ANKRD36C: variants seen among roughly 807,000 people sequenced by gnomAD.
ANKRD36C encodes ankyrin repeat domain 36C.
A neutral mutation model predicts 276.4 loss-of-function variants in ANKRD36C; 61 were observed. The ratio of observed to expected loss-of-function variants is 0.22; its 90% confidence interval spans 0.18 to 0.27. The LOEUF (loss-of-function observed/expected upper bound fraction) is 0.27, where lower values mean the gene tolerates loss of function less well. ANKRD36C is among the 10% of genes least tolerant of loss of function. ANKRD36C has a pLI of 1.00. For missense variants in ANKRD36C, 1,447 were observed against 2,032.3 expected (o/e 0.71, Z 5.54); for synonymous variants, 483 against 680.1 (o/e 0.71, Z 4.51).
At chr2:95,857,865 T>C (rs2463583) in intron 61 of ANKRD36C, among the ~76,000 whole-genome samples, 51,278 of 135,930 alleles carry the variant, frequency 0.38, 9,776 homozygotes, top group South Asian at 0.48. Flanking sequence ...CTTTTGGGTC[T>C]GATAAGAAAC....
chr2:95,980,744 A>G (rs1244797802), exon 5 of ANKRD36C: 10 of 1,607,540 alleles, frequency 6.2e-6, no homozygotes, highest in East Asian at 4.5e-5. Flanking sequence ...AAGAATGACT[A>G]TATCTTTTTC....
intron 44 of ANKRD36C, 53 bp from the exon 63 acceptor site, chr2:95,893,777 T>C: frequency 4.4e-6 from 7 of 1,602,098 alleles, no homozygotes; most frequent in Non-Finnish European, 5.9e-6. Context: ...GACAAAGATA[T>C]CCATAGATTC....
intron 6 of ANKRD36C, among the ~76,000 whole-genome samples, chr2:95,969,405 A>G (rs1375465930): frequency 6.6e-6 from 1 of 152,208 alleles, no homozygotes; most frequent in Non-Finnish European, 1.5e-5. Flanking sequence ...ATGGTCAACC[A>G]TGGTCCATAA....
chr2:95,879,705 AAC>A (rs1296532772), intron 58 of ANKRD36C, among the ~76,000 whole-genome samples: 17 of 152,104 alleles, frequency 1.1e-4, no homozygotes, highest in East Asian at 3.9e-4. Flanking sequence ...GTTAAAACAA[AAC>A]AAATGTTACA....
chr2:95,953,424 TAAAG>T (rs769391693), intron 14 of ANKRD36C, among the ~76,000 whole-genome samples: 2 of 152,024 alleles, frequency 1.3e-5, no homozygotes, highest in Admixed American at 6.6e-5. Flanking sequence ...GGAATAAAAA[TAAAG>T]AAATAGCTCT....
intron 6 of ANKRD36C, among the ~76,000 whole-genome samples, chr2:95,972,496 C>T (rs1678719876): frequency 6.6e-6 from 1 of 152,212 alleles, no homozygotes; most frequent in African/African-American, 2.4e-5. Context: ...CCACATGCCC[C>T]TTTGCCCTGA....
intron 6 of ANKRD36C, among the ~76,000 whole-genome samples, chr2:95,962,815 T>C (rs370877725): frequency 6.8e-6 from 1 of 147,188 alleles, no homozygotes; most frequent in Non-Finnish European, 1.5e-5. Flanking sequence ...GTCAGTATCA[T>C]TGTGGATATA....
intron 60 of ANKRD36C, among the ~76,000 whole-genome samples, chr2:95,862,757 A>AT (rs1675612631): frequency 6.6e-6 from 1 of 151,740 alleles, no homozygotes; most frequent in African/African-American, 2.4e-5. Flanking sequence ...AGGAGGGGGG[A>AT]TTTTTACAGG....
intron 38 of ANKRD36C, among the ~76,000 whole-genome samples, chr2:95,915,219 G>A (rs1677057069): frequency 6.6e-6 from 1 of 151,432 alleles, no homozygotes; most frequent in Non-Finnish European, 1.5e-5. Context: ...TTATCCAAGA[G>A]GTAGCTCCTT....
At chr2:95,894,042 A>G (rs541179364) in intron 44 of ANKRD36C, among the ~76,000 whole-genome samples, 1 of 151,512 alleles carries the variant, frequency 6.6e-6, no homozygotes, top group African/African-American at 2.4e-5. Context: ...CAGAGGAGCA[A>G]CTCACACACC....
Position 95,902,961 on chromosome 2 carries a change from G to C in ANKRD36C, c.2654-3625C>G, listed in dbSNP as rs1676701312. Reference sequence around the variant, plus strand: ...GAATCTTTCTCGTCTCTTGTAGCCTGAATGGAATTTGAAATGCAATAATAA... The same window carrying C: ...GAATCTTTCTCGTCTCTTGTAGCCTCAATGGAATTTGAAATGCAATAATAA... On this transcript the variant is annotated intron_variant, in intron 42 of 66. Transcript: ENST00000456556. 6.3e-7 allele frequency: 1 copy of C among 1,588,268 alleles called. No individual in the cohort carries two copies. The highest frequency in any genetic ancestry group is 8.6e-7 in the Non-Finnish European group (1 of 1,165,460).
In ANKRD36C at chr2:95,925,220, T is replaced by A. The variant is rs981042824; in HGVS notation, c.2041+132A>T. 16 of 1,436,188 alleles carry A rather than the reference T, an allele frequency of 1.1e-5. No homozygotes were observed. The African/African-American group carries it at 2.0e-4, about 18-fold the overall frequency. The allele number at this position is 1,436,188 out of a possible 1,614,324, so 89.0% of individuals were successfully genotyped here. A position where few individuals can be genotyped will look rare whatever the true frequency, so the allele number is the denominator to read the frequency against. On this transcript the variant is annotated intron_variant, in intron 30 of 66. Transcript: ENST00000456556. ...GCATCAGCACCACCTGACAACTTAC[T>A]AGAAATGCACAATCTCAGGCCTGCT...
chr2:95,891,568 T>A, intron 46 of ANKRD36C, 97 bp downstream of exon 66: 2 of 1,389,976 alleles, frequency 1.4e-6, no homozygotes, highest in Non-Finnish European at 9.8e-7. Flanking sequence ...TGTATCAGAA[T>A]GTGCAGCTTC....
chr2:95,891,635 A>T (rs1433998701), intron 46 of ANKRD36C, 30 bp downstream of exon 66: 1 of 1,542,324 alleles, frequency 6.5e-7, no homozygotes, highest in African/African-American at 1.4e-5. Context: ...TCTGCACTGA[A>T]CATGACATTA....
intron 63 of ANKRD36C, among the ~76,000 whole-genome samples, chr2:95,854,540 T>C (rs1459017571): frequency 6.6e-6 from 1 of 152,104 alleles, no homozygotes; most frequent in Non-Finnish European, 1.5e-5. Context: ...CAAATGATAG[T>C]AATTGAGCCT....
At chr2:95,943,702 G>C (rs1381026804) in intron 19 of ANKRD36C, among the ~76,000 whole-genome samples, 1 of 151,764 alleles carries the variant, frequency 6.6e-6, no homozygotes, top group African/African-American at 2.4e-5. Context: ...AAAAAGTAAT[G>C]ATTCATTCAA....
intron 61 of ANKRD36C, among the ~76,000 whole-genome samples, chr2:95,858,701 T>A (rs1000141103): frequency 6.6e-6 from 1 of 152,200 alleles, no homozygotes; most frequent in Non-Finnish European, 1.5e-5. Flanking sequence ...GATAGCATTT[T>A]CGATGTCTTT....
At chr2:95,888,929 T>A (rs1676267982) in intron 48 of ANKRD36C, among the ~76,000 whole-genome samples, 1 of 151,642 alleles carries the variant, frequency 6.6e-6, no homozygotes, top group Admixed American at 6.6e-5. Flanking sequence ...ACTTTAGGAG[T>A]TAATTAGAAT....
intron 38 of ANKRD36C, 84 bp downstream of exon 40, chr2:95,915,896 C>T (rs1171520822): frequency 1.2e-5 from 17 of 1,476,470 alleles, no homozygotes; most frequent in Non-Finnish European, 1.5e-5. Flanking sequence ...TGTGCAGCTT[C>T]GACCAGCCCC....
Sources: allele counts gnomAD v4.1 joint callset (sites outside exome capture counted in the v4.1 genomes callset), GRCh38; gene constraint gnomAD v4.1.1; transcripts MANE v1.5; gene names NCBI Gene and HGNC (gene_info 2026-07-23, HGNC 2026-07-21).